FNDC3B: variants seen among roughly 807,000 people sequenced by gnomAD.
The protein encoded by FNDC3B is fibronectin type III domain-containing protein 3B.
Under a neutral mutation model 151.5 loss-of-function variants are expected in FNDC3B, and 12 were observed. The observed-to-expected ratio is 0.08, with a 90% confidence interval of 0.05 to 0.13. FNDC3B has a LOEUF of 0.13. FNDC3B is among the 10% of genes least tolerant of loss of function. The pLI is 1.00. For synonymous variants in FNDC3B, 528 were observed against 549.0 expected (o/e 0.96, Z 0.54); for missense variants, 1,214 against 1,505.3 (o/e 0.81, Z 3.20).
chr3:172,349,902 C>T (rs964672453), intron 21 of FNDC3B, among the ~76,000 whole-genome samples: 1 of 152,122 alleles, frequency 6.6e-6, no homozygotes, highest in Non-Finnish European at 1.5e-5. Flanking sequence ...ATGATCCACC[C>T]GCCTCAGCCT....
intron 23 of FNDC3B, among the ~76,000 whole-genome samples, chr3:172,372,638 A>C (rs611095): frequency 0.45 from 68,109 of 152,052 alleles, 16,247 homozygotes; most frequent in Non-Finnish European, 0.55. Flanking sequence ...TTAGATGGAC[A>C]TGTTCCTGCT....
intron 23 of FNDC3B, among the ~76,000 whole-genome samples, chr3:172,364,173 C>T (rs1474424120): frequency 2.0e-5 from 3 of 152,148 alleles, no homozygotes; most frequent in Admixed American, 1.3e-4. Flanking sequence ...TATGTGCCTT[C>T]GGATGTGTTT....
chr3:172,150,167 T>G (rs1356792472), intron 3 of FNDC3B, among the ~76,000 whole-genome samples: 2 of 152,088 alleles, frequency 1.3e-5, no homozygotes, highest in Admixed American at 1.3e-4. Flanking sequence ...CATGTTTGAA[T>G]AGCTAGAGAT....
intron 25 of FNDC3B, among the ~76,000 whole-genome samples, chr3:172,390,316 T>C (rs961833733): frequency 5.9e-5 from 9 of 152,250 alleles, no homozygotes; most frequent in Admixed American, 3.3e-4. Context: ...GATTAGACTT[T>C]CGTTAAGAAA....
intron 3 of FNDC3B, among the ~76,000 whole-genome samples, chr3:172,183,353 T>C (rs921442411): frequency 6.6e-6 from 1 of 152,260 alleles, no homozygotes; most frequent in Non-Finnish European, 1.5e-5. Context: ...TTTATAAATG[T>C]ATGAAAAACT....
In FNDC3B at chr3:172,179,965, T is replaced by C. The variant is rs1723805718; in HGVS notation, c.187+46419T>C. On this transcript the variant is annotated intron_variant, in intron 3 of 25. Transcript: ENST00000415807. ...TGAGGGGTGTGGCTGAATGACCTCTTTGGGGTTTTTACATTTCACAGTTGT... is the reference window on the plus strand; with the variant it reads ...TGAGGGGTGTGGCTGAATGACCTCTCTGGGGTTTTTACATTTCACAGTTGT... Among the ~76,000 whole-genome samples, 2 of 151,960 alleles carry C rather than the reference T, an allele frequency of 1.3e-5. 1 individual carries two copies. The highest frequency in any genetic ancestry group is 4.2e-4 in the South Asian group (2 of 4,814).
At chr3:172,202,474 A>G (rs1725206251) in intron 3 of FNDC3B, among the ~76,000 whole-genome samples, 1 of 152,234 alleles carries the variant, frequency 6.6e-6, no homozygotes. Context: ...TGATAGTAGT[A>G]AAGATCCCTC....
rs370751349 is a variant in FNDC3B at position 172,257,956 on chromosome 3, C to A, written c.790+6415C>A. ...TTAAATGGCAGGGGTGGGAAAGCGG[C>A]GGGTGGGAGGCATTCAGTTGGAACA... is the stretch of plus-strand genomic sequence containing the variant. On this transcript the variant is annotated intron_variant, in intron 6 of 25. Transcript: ENST00000415807. 2.0e-5 allele frequency among the ~76,000 whole-genome samples: 3 copies of A among 152,082 alleles called. No homozygotes were observed. In the East Asian group the frequency reaches 5.8e-4, roughly 29 times the overall value.
intron 3 of FNDC3B, among the ~76,000 whole-genome samples, chr3:172,168,775 C>A (rs1226813411): frequency 6.8e-6 from 1 of 146,016 alleles, no homozygotes; most frequent in Non-Finnish European, 1.5e-5. Flanking sequence ...TGCAGTGGCG[C>A]GATCTCGGCT....
intron 1 of FNDC3B, among the ~76,000 whole-genome samples, chr3:172,047,517 AT>A (rs760302392): frequency 1.7e-4 from 26 of 152,198 alleles, no homozygotes; most frequent in Non-Finnish European, 3.5e-4. Context: ...GGGAAAATCA[AT>A]TTACTTAAAA....
At chr3:172,346,545 A>ATTTTTTTTT (rs55676402) in intron 20 of FNDC3B, 105 bp downstream of exon 20, 2 of 449,008 alleles carry the variant, frequency 4.5e-6, no homozygotes, top group East Asian at 3.5e-5. Flanking sequence ...CATATAGATG[A>ATTTTTTTTT]TTTTTTTTTT....
intron 3 of FNDC3B, among the ~76,000 whole-genome samples, chr3:172,179,936 C>G (rs2108650966): frequency 6.7e-6 from 1 of 149,668 alleles, no homozygotes; most frequent in Non-Finnish European, 1.5e-5. Flanking sequence ...CTTCATCTCT[C>G]TGATGAGGGG....
At chr3:172,140,611 G>A (rs1234072001) in intron 3 of FNDC3B, among the ~76,000 whole-genome samples, 3 of 152,192 alleles carry the variant, frequency 2.0e-5, no homozygotes, top group African/African-American at 4.8e-5. Context: ...CACCAGGGCC[G>A]GAAAATACTG....
At chr3:172,359,124 C>T (rs888730552) in intron 22 of FNDC3B, among the ~76,000 whole-genome samples, 2 of 151,474 alleles carry the variant, frequency 1.3e-5, no homozygotes, top group South Asian at 4.2e-4. Context: ...CTAGTACTTA[C>T]CAAAATACTA....
At chr3:172,137,202 CT>C (rs1721416751) in intron 3 of FNDC3B, among the ~76,000 whole-genome samples, 2 of 152,164 alleles carry the variant, frequency 1.3e-5, no homozygotes, top group Admixed American at 6.5e-5. Context: ...TTCCTGGAAA[CT>C]TTGAAATCAC....
At chr3:172,139,923 A>AT (rs1014436727) in intron 3 of FNDC3B, among the ~76,000 whole-genome samples, 5 of 152,052 alleles carry the variant, frequency 3.3e-5, no homozygotes, top group African/African-American at 1.2e-4. Context: ...GGCCTCCCAA[A>AT]TTGCTGGGAT....
intron 13 of FNDC3B, among the ~76,000 whole-genome samples, chr3:172,332,158 C>T (rs1470500943): frequency 2.6e-5 from 4 of 151,964 alleles, no homozygotes; most frequent in African/African-American, 9.7e-5. Flanking sequence ...TTAGTAGAGA[C>T]GGGGTTTCTC....
chr3:172,076,416 G>A (rs554849215), intron 1 of FNDC3B, among the ~76,000 whole-genome samples: 2 of 152,226 alleles, frequency 1.3e-5, no homozygotes, highest in African/African-American at 2.4e-5. Context: ...ATACCCAAGC[G>A]CTCAGTCATA....
chr3:172,360,913 G>A (rs896108797), intron 22 of FNDC3B, among the ~76,000 whole-genome samples: 4 of 152,038 alleles, frequency 2.6e-5, no homozygotes, highest in African/African-American at 9.7e-5. Flanking sequence ...AGCTATTTTA[G>A]TTCCTTTGCC....
Sources: gnomAD v4.1 joint callset for allele counts (sites outside exome capture counted in the v4.1 genomes callset) on GRCh38, gnomAD v4.1.1 for gene constraint, MANE v1.5 for transcripts, NCBI Gene and HGNC (gene_info 2026-07-23, HGNC 2026-07-21) for gene names.